CPA6: variants seen among roughly 807,000 people sequenced by gnomAD.
CPA6 encodes the protein carboxypeptidase A6.
In CPA6, 58 loss-of-function variants were observed where a neutral mutation model predicts 63.3. That is an observed-to-expected ratio of 0.92 (90% CI 0.74 to 1.14). The LOEUF (loss-of-function observed/expected upper bound fraction) is 1.14. Ranked by LOEUF, CPA6 falls within the 50% of genes most tolerant of loss-of-function variation. The probability of loss-of-function intolerance (pLI) is 0.00; values close to 1 mark genes in which losing one functional copy is unlikely to be tolerated. For synonymous variants in CPA6, 185 were observed against 179.0 expected, an observed-to-expected ratio of 1.03 and a Z score of -0.27; for missense variants, 565 against 526.6, an observed-to-expected ratio of 1.07 and a Z score of -0.71.
At chr8:67,539,491 A>G (rs1226200692) in intron 2 of CPA6, among the ~76,000 whole-genome samples, 1 of 152,084 alleles carries the variant, frequency 6.6e-6, no homozygotes, top group African/African-American at 2.4e-5. Flanking sequence ...AGCTCTTCTC[A>G]AGGAGTATCT....
At chr8:67,467,724 C>T (rs552821776) in intron 8 of CPA6, among the ~76,000 whole-genome samples, 2 of 152,070 alleles carry the variant, frequency 1.3e-5, no homozygotes, top group South Asian at 2.1e-4. Flanking sequence ...TAAGGGCGAC[C>T]GGGCACGGCG....
At chr8:67,605,221 T>C (rs1351062451) in intron 2 of CPA6, among the ~76,000 whole-genome samples, 1 of 152,158 alleles carries the variant, frequency 6.6e-6, no homozygotes, top group Non-Finnish European at 1.5e-5. Context: ...ACATAGAGTA[T>C]TCCATTTAGA....
intron 6 of CPA6, among the ~76,000 whole-genome samples, chr8:67,491,280 C>T (rs981345040): frequency 2.2e-5 from 3 of 138,864 alleles, no homozygotes; most frequent in Non-Finnish European, 4.6e-5. Context: ...GCTGACATCA[C>T]ACTACAAGAT....
At chr8:67,609,988 T>C (rs182840535) in intron 2 of CPA6, among the ~76,000 whole-genome samples, 84 of 152,092 alleles carry the variant, frequency 5.5e-4, no homozygotes, top group Non-Finnish European at 9.1e-4. Context: ...TGCCACTGCA[T>C]TCCAGCCTGG....
chr8:67,607,160 T>C lies in CPA6; in HGVS notation c.192+17016A>G, dbSNP rs1394585191. Among the ~76,000 whole-genome samples the C allele has an allele frequency of 4.9e-3, 335 of 68,062 alleles. 55 individuals are homozygous for C. Among genetic ancestry groups the C allele is most frequent in the African/African-American group, 0.012 (169 of 13,966 alleles). 44.7% of individuals were successfully genotyped at this position (68,062 alleles called of 152,430 possible). ...CCCCCTCCTCCCCCCCCTCCTCTTC[T>C]TCTTCTTCCTCTTCTTCTTCTTCTT... On this transcript the variant is annotated intron_variant, in intron 2 of 10. Transcript: ENST00000297770.
At chr8:67,674,671 G>A (rs749310935) in intron 1 of CPA6, among the ~76,000 whole-genome samples, 9 of 152,068 alleles carry the variant, frequency 5.9e-5, no homozygotes, top group Non-Finnish European at 1.2e-4. Flanking sequence ...TCATTACTGG[G>A]CATATACCTA....
At chr8:67,665,285 A>G (rs932189801) in intron 1 of CPA6, among the ~76,000 whole-genome samples, 24 of 152,208 alleles carry the variant, frequency 1.6e-4, no homozygotes, top group South Asian at 4.1e-4. Context: ...GTACATCTAT[A>G]TGCAATAATG....
chr8:67,590,224 A>C (rs552635592), intron 2 of CPA6, among the ~76,000 whole-genome samples: 2,292 of 151,766 alleles, frequency 0.015, 42 homozygotes, highest in African/African-American at 0.052. Flanking sequence ...TGAACTCATC[A>C]TTTTTTATGG....
At chr8:67,632,280 C>A (rs1802407495) in intron 1 of CPA6, among the ~76,000 whole-genome samples, 1 of 151,892 alleles carries the variant, frequency 6.6e-6, no homozygotes, top group African/African-American at 2.4e-5. Context: ...AAGTGATCCT[C>A]CTACCTCAGC....
chr8:67,713,629 T>C (rs1182318394), intron 1 of CPA6, among the ~76,000 whole-genome samples: 1 of 152,148 alleles, frequency 6.6e-6, no homozygotes, highest in Non-Finnish European at 1.5e-5. Flanking sequence ...CCCTGGGTAG[T>C]TTATAGGCGG....
At chr8:67,569,404 TC>T (rs1254454683) in intron 2 of CPA6, 1 of 185,624 alleles carries the variant, frequency 5.4e-6, no homozygotes, top group Non-Finnish European at 1.1e-5. Context: ...GGTTCCATGT[TC>T]CCCCTACAAA....
At chr8:67,685,292 T>G (rs1816687580) in intron 1 of CPA6, among the ~76,000 whole-genome samples, 2 of 152,186 alleles carry the variant, frequency 1.3e-5, no homozygotes, top group African/African-American at 4.8e-5. Flanking sequence ...CAGTGGATCT[T>G]AACTTTTTGT....
At chr8:67,529,771 A>C (rs1282428706) in intron 2 of CPA6, among the ~76,000 whole-genome samples, 2 of 152,188 alleles carry the variant, frequency 1.3e-5, no homozygotes, top group Admixed American at 1.3e-4. Flanking sequence ...GAAGAAAAAT[A>C]ACTCAATAGT....
chr8:67,431,282 C>A (rs978264087), intron 9 of CPA6, among the ~76,000 whole-genome samples: 1 of 152,052 alleles, frequency 6.6e-6, no homozygotes, highest in East Asian at 1.9e-4. Flanking sequence ...CTCTGTTGCC[C>A]AGGCTGGAAT....
chr8:67,473,205 G>A (rs185160332), intron 8 of CPA6, among the ~76,000 whole-genome samples: 1 of 152,316 alleles, frequency 6.6e-6, no homozygotes, highest in Admixed American at 6.5e-5. Flanking sequence ...AAGATTTCCA[G>A]TTAGCCTGTG....
At chr8:67,706,238 G>C (rs1426036037) in intron 1 of CPA6, among the ~76,000 whole-genome samples, 1 of 152,172 alleles carries the variant, frequency 6.6e-6, no homozygotes, top group Non-Finnish European at 1.5e-5. Flanking sequence ...TTCTAGGTAA[G>C]GACTGTGGAC....
chr8:67,529,492 ACTCTAAATT>A (rs1389493734), intron 2 of CPA6, among the ~76,000 whole-genome samples: 1 of 152,002 alleles, frequency 6.6e-6, no homozygotes, highest in Non-Finnish European at 1.5e-5. Context: ...CTGAGTGAGG[ACTCTAAATT>A]CTCTATGTTC....
intron 2 of CPA6, among the ~76,000 whole-genome samples, chr8:67,558,432 C>G (rs1413731886): frequency 6.6e-6 from 1 of 152,086 alleles, no homozygotes; most frequent in Non-Finnish European, 1.5e-5. Flanking sequence ...TCTACTCTAC[C>G]TCTTTAAGTA....
chr8:67,654,148 A>G (rs568840613), intron 1 of CPA6, among the ~76,000 whole-genome samples: 8 of 152,264 alleles, frequency 5.3e-5, no homozygotes, highest in Admixed American at 3.3e-4. Context: ...ATTTGCCAGT[A>G]TTTTATTGAG....
Sources: gnomAD v4.1 joint callset for allele counts (sites outside exome capture counted in the v4.1 genomes callset) on GRCh38, gnomAD v4.1.1 for gene constraint, MANE v1.5 for transcripts, NCBI Gene and HGNC (gene_info 2026-07-23, HGNC 2026-07-21) for gene names.